The following MOSPD2 variants were observed in gnomAD, a reference collection of about 807,000 sequenced individuals.
MOSPD2 encodes the protein motile sperm domain-containing protein 2.
In MOSPD2, 5 loss-of-function variants were observed where a neutral mutation model predicts 41.7. That is an observed-to-expected ratio of 0.12 (90% confidence interval 0.06 to 0.25). MOSPD2 has a LOEUF of 0.25. Ranked by LOEUF, MOSPD2 falls within the 10% of genes least tolerant of loss-of-function variation. MOSPD2 has a pLI of 1.00. For missense variants in MOSPD2, 282 were observed against 375.2 expected (o/e 0.75, Z 2.05); for synonymous variants, 115 against 126.9 (o/e 0.91, Z 0.63).
intron 2 of MOSPD2, among the ~76,000 whole-genome samples, chrX:14,890,825 C>T (rs1444425643): frequency 3.6e-5 from 4 of 111,390 alleles, no homozygotes; most frequent in African/African-American, 1.3e-4. Context: ...GAGATAGGAT[C>T]CATAAAACCT....
chrX:14,916,229 A>G lies in MOSPD2; in HGVS notation c.1219A>G (p.Ile407Val), dbSNP rs769168126. ...LTVSAQDRFL[I>V]MAAEMEQSSG... ...AGTCTCTGCCCAAGACCGTTTTCTG[A>G]TAATGGCTGCAGAAATGGAACAGTC... The change falls in exon 13 of 15, where the codon ATA (isoleucine) becomes GTA (valine). Residue 407 changes from isoleucine (I) to valine (V), a missense_variant. Around this residue, in one of 3 missense-constraint regions of MOSPD2, gnomAD observed 94 missense variants for 102.1 expected, o/e 0.92. Coordinates refer to ENST00000380492, the MANE Select transcript of MOSPD2 (RefSeq NM_152581.4). The G allele has an allele frequency of 1.6e-5, 19 of 1,211,974 alleles. No homozygotes were observed. In the South Asian group the frequency reaches 3.2e-4, roughly 20 times the overall value.
intron 9 of MOSPD2, 131 bp downstream of exon 9, chrX:14,911,544 AAG>A (rs1477539531): frequency 6.3e-6 from 3 of 477,997 alleles, no homozygotes; most frequent in Non-Finnish European, 1.0e-5. Context: ...TGTAAAAAGA[AAG>A]AGGAAGGATG....
At chrX:14,874,056 C>T in intron 2 of MOSPD2, 1 of 342,038 alleles carries the variant, frequency 2.9e-6, no homozygotes, top group Non-Finnish European at 5.2e-6. Context: ...GCCCACAACA[C>T]GGGTGACATT....
intron 3 of MOSPD2, 194 bp downstream of exon 3, chrX:14,893,072 A>G: frequency 6.1e-6 from 2 of 330,033 alleles, no homozygotes; most frequent in East Asian, 9.1e-5. Flanking sequence ...TCATAAGGAA[A>G]TCAGATCACC....
chrX:14,899,998 T>C (rs2092570333), intron 5 of MOSPD2, among the ~76,000 whole-genome samples: 1 of 111,838 alleles, frequency 8.9e-6, no homozygotes, highest in Non-Finnish European at 1.9e-5. Flanking sequence ...AAACTAATTC[T>C]AGGTCTCTAA....
At chrX:14,886,546 C>CGAGAGAGA (rs138780913) in intron 2 of MOSPD2, among the ~76,000 whole-genome samples, 1 of 101,874 alleles carries the variant, frequency 9.8e-6, no homozygotes, top group African/African-American at 3.6e-5. Context: ...CGCACACACA[C>CGAGAGAGA]GAGAGAGAGA....
chrX:14,917,124 A>G (rs2092601636), intron 13 of MOSPD2, among the ~76,000 whole-genome samples: 1 of 111,974 alleles, frequency 8.9e-6, no homozygotes, highest in South Asian at 3.7e-4. Flanking sequence ...AACCACTAGC[A>G]GTACACAGGA....
chrX:14,913,400 G>GC (rs2092595074), intron 10 of MOSPD2, among the ~76,000 whole-genome samples: 2 of 111,343 alleles, frequency 1.8e-5, no homozygotes, highest in South Asian at 7.4e-4. Context: ...CCCTTCCTCC[G>GC]CCCCCGGTGA....
At chrX:14,890,726 G>T (rs1404083713) in intron 2 of MOSPD2, among the ~76,000 whole-genome samples, 1 of 111,500 alleles carries the variant, frequency 9.0e-6, no homozygotes, top group Non-Finnish European at 1.9e-5. Context: ...GAGACTCAAA[G>T]AAGACAATTC....
At chrX:14,877,659 C>T (rs1474086591) in intron 2 of MOSPD2, among the ~76,000 whole-genome samples, 2 of 104,498 alleles carry the variant, frequency 1.9e-5, no homozygotes, top group Non-Finnish European at 3.9e-5. Flanking sequence ...TTTTTCTATA[C>T]ACTTAAGAAA....
At chrX:14,894,336 G>A (rs1462244540) in intron 3 of MOSPD2, among the ~76,000 whole-genome samples, 2,005 of 30,792 alleles carry the variant, frequency 0.065, 21 homozygotes, top group Non-Finnish European at 0.1. Context: ...TTTTTTTTTT[G>A]AGATGGAATC....
intron 2 of MOSPD2, among the ~76,000 whole-genome samples, chrX:14,891,610 C>T (rs2092554055): frequency 9.4e-6 from 1 of 106,365 alleles, no homozygotes; most frequent in South Asian, 4.1e-4. Context: ...ACTCTGTCAC[C>T]AGGCTGGAGT....
intron 5 of MOSPD2, among the ~76,000 whole-genome samples, 200 bp downstream of exon 5, chrX:14,897,438 G>A (rs1158072986): frequency 1.8e-5 from 2 of 111,801 alleles, no homozygotes; most frequent in African/African-American, 6.5e-5. Flanking sequence ...TGTATTTGGC[G>A]TTGAAACTGT....
chrX:14,889,412 CTA>C (rs2092549379), intron 2 of MOSPD2, among the ~76,000 whole-genome samples: 2 of 111,606 alleles, frequency 1.8e-5, no homozygotes, highest in African/African-American at 6.5e-5. Context: ...TGCTTCCAGG[CTA>C]TGTTTTTCTT....
Position 14,921,475 on chromosome X carries a change from G to A in MOSPD2, c.*1666G>A. 1.2e-6 allele frequency: 1 copy of A among 867,839 alleles called. No individual in the cohort carries two copies. The highest frequency in any genetic ancestry group is 6.5e-5 in the South Asian group (1 of 15,468). The allele number at this position is 867,839 out of a possible 1,213,427, so 71.5% of individuals were successfully genotyped here. ...GTGCACAGTGGCTTCCCCTTACATG[G>A]TAGATTTTTGGCCTTAATATAATCT... On this transcript the variant is annotated 3_prime_UTR_variant, in exon 15 of 15. Coordinates refer to ENST00000380492, the MANE Select transcript of MOSPD2 (RefSeq NM_152581.4).
chrX:14,895,285 G>C, intron 3 of MOSPD2, 23 bp from the exon 4 acceptor site: 1 of 956,186 alleles, frequency 1.0e-6, no homozygotes, highest in Non-Finnish European at 1.5e-6. Flanking sequence ...TACAACTACT[G>C]ATCAAAGCTT....
rs145214899 is a variant in MOSPD2, at chrX:14,892,746, C to T, written c.103C>T (p.Arg35Cys). The T allele has an allele frequency of 6.7e-6, 8 of 1,198,745 alleles. No homozygotes were observed. In the African/African-American group the frequency reaches 7.0e-5, roughly 11 times the overall value. Residue 35 changes from arginine (R) to cysteine (C), a missense_variant, in exon 3 of 15, where the codon CGT (arginine) becomes TGT (cysteine). Around this residue, in one of 3 missense-constraint regions of MOSPD2, gnomAD observed 187 missense variants for 256.6 expected, o/e 0.73. Transcript: ENST00000380492. Reference sequence around the variant, plus strand: ...AGATAAGTCAGATAAATATGATGCACGTGATGTTGAAAGGCTACAACAAGA... The same window carrying T: ...AGATAAGTCAGATAAATATGATGCATGTGATGTTGAAAGGCTACAACAAGA... ...VTDKSDKYDA[R>C]DVERLQQDDN...
chrX:14,901,165 G>GT (rs1334387639), intron 6 of MOSPD2, among the ~76,000 whole-genome samples: 1 of 111,664 alleles, frequency 9.0e-6, no homozygotes, highest in Non-Finnish European at 1.9e-5. Flanking sequence ...GAGTTTGTTT[G>GT]TTTTTTATTG....
intron 2 of MOSPD2, among the ~76,000 whole-genome samples, chrX:14,876,240 A>C (rs12007572): frequency 0.026 from 2,874 of 112,079 alleles, 78 homozygotes; most frequent in African/African-American, 0.088. Context: ...TTGCTTTTAG[A>C]AATTAACTCA....
Sources: allele counts gnomAD v4.1 joint callset (sites outside exome capture counted in the v4.1 genomes callset), GRCh38; gene constraint gnomAD v4.1.1; regional missense constraint gnomAD v4.1.1; transcripts MANE v1.5; gene names NCBI Gene and HGNC (gene_info 2026-07-23, HGNC 2026-07-21).